ASPA: variants seen among roughly 807,000 people sequenced by gnomAD.
ASPA encodes aspartoacylase, also known as ACY-2.
ASPA carries 25 observed loss-of-function variants against 29.6 expected under a neutral mutation model. The observed-to-expected ratio is 0.85, with a 90% CI of 0.62 to 1.18. The LOEUF is 1.18. ASPA is among the 50% of genes most tolerant of loss of function. The probability of loss-of-function intolerance (pLI) is 0.00; values close to 1 mark genes in which losing one functional copy is unlikely to be tolerated. For synonymous variants in ASPA, 131 were observed against 130.3 expected, an observed-to-expected ratio of 1.01 and a Z score of -0.04; for missense variants, 333 against 385.7, an observed-to-expected ratio of 0.86 and a Z score of 1.14.
chr17:3,481,821 A>G (rs1448345477), intron 2 of ASPA, 23 bp downstream of exon 2: 10 of 1,555,490 alleles, frequency 6.4e-6, no homozygotes, highest in Non-Finnish European at 8.8e-6. Context: ...TTATTAATTT[A>G]TAAGTTAGCA....
chr17:3,481,488 A>G, intron 1 of ASPA, 115 bp from the exon 2 acceptor site: 1 of 959,864 alleles, frequency 1.0e-6, no homozygotes, highest in Non-Finnish European at 1.6e-6. Flanking sequence ...CTTACCACAC[A>G]GATTTTTCAT....
intron 3 of ASPA, among the ~76,000 whole-genome samples, chr17:3,487,477 G>C (rs1233077858): frequency 2.0e-5 from 3 of 152,178 alleles, no homozygotes; most frequent in African/African-American, 7.2e-5. Flanking sequence ...TTCTGGCTAA[G>C]AGTAGCATTG....
chr17:3,489,216 T>A lies in ASPA; in HGVS notation c.527-19T>A. On this transcript the variant is annotated intron_variant, in intron 3 of 5. Transcript: ENST00000263080. ...TTTCATACTTATATAAATGTGACTA[T>A]CTCTCCTTCTGTACCTAGGTATAGA... 1 of 1,407,198 alleles carries A rather than the reference T, an allele frequency of 7.1e-7. No homozygotes were observed. The highest frequency in any genetic ancestry group is 1.0e-6 in the Non-Finnish European group (1 of 994,546). The allele number at this position is 1,407,198 out of a possible 1,614,324, so 87.2% of individuals were successfully genotyped here.
chr17:3,503,342 T>C lies in ASPA; in HGVS notation c.*4254T>C, dbSNP rs1254930484. ...CATATTCTTTCTAAATTTTTCAGCA[T>C]TTTTTTCTATTTTTGTACTTTACCA... On this transcript the variant is annotated 3_prime_UTR_variant, in exon 6 of 6. Transcript: ENST00000263080. 1 of 152,188 alleles carries C rather than the reference T, an allele frequency of 6.6e-6. No homozygotes were observed. Among genetic ancestry groups the C allele is most frequent in the Non-Finnish European group, 1.5e-5 (1 of 68,028 alleles). The allele number at this position is 152,188 out of a possible 1,614,324, so 9.4% of individuals were successfully genotyped here.
intron 2 of ASPA, among the ~76,000 whole-genome samples, chr17:3,482,952 C>T (rs1336903766): frequency 8.2e-6 from 1 of 121,734 alleles, no homozygotes; most frequent in Non-Finnish European, 1.7e-5. Context: ...CCCCCCACCC[C>T]AATTCTTCAT....
intron 1 of ASPA, among the ~76,000 whole-genome samples, chr17:3,481,271 C>T (rs2073622776): frequency 6.6e-6 from 1 of 152,150 alleles, no homozygotes; most frequent in South Asian, 2.1e-4. Flanking sequence ...ACCATAACTA[C>T]TAAGAAACTG....
In ASPA at chr17:3,490,929, G is replaced by A. The variant is rs1322236640; in HGVS notation, c.634+1587G>A. 6.6e-6 allele frequency among the ~76,000 whole-genome samples: 1 copy of A among 152,086 alleles called. No individual in the cohort carries two copies. The highest frequency in any genetic ancestry group is 6.5e-5 in the Admixed American group (1 of 15,272). ...ACATTTCATTTAAGCAAAGGATTCG[G>A]CAAATCAAAAATTGTCAACCACGAT... On this transcript the variant is annotated intron_variant, in intron 4 of 5. Coordinates refer to ENST00000263080, the MANE Select transcript of ASPA (RefSeq NM_000049.4). The surrounding 1 kb of genome is among the most constrained non-coding windows in gnomAD (Gnocchi z 4.6).
intron 1 of ASPA, among the ~76,000 whole-genome samples, chr17:3,478,152 T>C (rs2073563638): frequency 6.6e-6 from 1 of 151,950 alleles, no homozygotes; most frequent in African/African-American, 2.4e-5. Context: ...GCCACTGCAC[T>C]CCAGCCTGGG....
chr17:3,476,284 A>T lies in ASPA; in HGVS notation c.125A>T (p.Gln42Leu). The T allele has an allele frequency of 1.9e-6, 3 of 1,614,180 alleles. No homozygotes were observed. Among genetic ancestry groups the T allele is most frequent in the South Asian group, 1.1e-5 (1 of 91,086 alleles). The change falls in exon 1 of 6, where the codon CAG becomes CTG. Residue 42 changes from glutamine to leucine, a missense_variant. Coordinates refer to ENST00000263080, the MANE Select transcript of ASPA (RefSeq NM_000049.4). ...KHWLENGAEIQRTGLEVKPFI... is the reference protein window; with the variant it reads ...KHWLENGAEILRTGLEVKPFI... The stretch of plus-strand genomic sequence containing the variant: ...TGGCTAGAGAATGGCGCTGAGATTC[A>T]GAGAACAGGGCTGGAGGTAAAACCA...
Position 3,495,799 on chromosome 17 carries a change from C to T in ASPA, c.744+1340C>T, listed in dbSNP as rs1184104589. 3.3e-5 allele frequency among the ~76,000 whole-genome samples: 5 copies of T among 152,134 alleles called. No homozygotes were observed. In the South Asian group the frequency reaches 6.2e-4, roughly 19 times the overall value. ...GGCCAGGATGGTCTCAATCTCCTGA[C>T]ATCATGATCCACCTGCCTCGGCCTC... On this transcript the variant is annotated intron_variant, in intron 5 of 5. Coordinates refer to ENST00000263080, the MANE Select transcript of ASPA (RefSeq NM_000049.4).
chr17:3,481,472 T>A (rs1597429531), intron 1 of ASPA, 131 bp from the exon 2 acceptor site: 1 of 818,126 alleles, frequency 1.2e-6, no homozygotes, highest in East Asian at 2.7e-5. Context: ...TTCAGGTAAG[T>A]TTTTACTTAC....
At chr17:3,492,876 G>A (rs558159557) in intron 4 of ASPA, among the ~76,000 whole-genome samples, 4 of 152,168 alleles carry the variant, frequency 2.6e-5, no homozygotes, top group Middle Eastern at 3.4e-3. Context: ...CAGTGTAGAC[G>A]GAAGAAACTT....
rs1481722224 is a variant in ASPA, at chr17:3,499,812, T to C, written c.*724T>C. 1.3e-5 allele frequency: 2 copies of C among 152,196 alleles called. No homozygotes were observed. The highest frequency in any genetic ancestry group is 2.9e-5 in the Non-Finnish European group (2 of 68,040). 9.4% of individuals were successfully genotyped at this position (152,196 alleles called of 1,614,324 possible). ...AATAATTAATAAGTCTACAGCAGAC[T>C]CTGTGTGTTCAAGTGAAAGAAAGGG... On this transcript the variant is annotated 3_prime_UTR_variant, in exon 6 of 6. Coordinates refer to ENST00000263080, the MANE Select transcript of ASPA (RefSeq NM_000049.4).
chr17:3,495,100 A>T (rs1301035487), intron 5 of ASPA, among the ~76,000 whole-genome samples: 1 of 152,148 alleles, frequency 6.6e-6, no homozygotes, highest in Non-Finnish European at 1.5e-5. Flanking sequence ...AGGAAAAAAA[A>T]AAGGCTCTTG....
chr17:3,495,545 T>C (rs892487748), intron 5 of ASPA, among the ~76,000 whole-genome samples: 2 of 150,456 alleles, frequency 1.3e-5, no homozygotes, highest in Admixed American at 6.6e-5. Flanking sequence ...CCTTAGGCAG[T>C]GTTTGTTTTT....
rs1464046136 is a variant in ASPA at position 3,502,000 on chromosome 17, A to G, written c.*2912A>G. On this transcript the variant is annotated 3_prime_UTR_variant, in exon 6 of 6. Coordinates refer to ENST00000263080, the MANE Select transcript of ASPA (RefSeq NM_000049.4). ...TGAGTTCTACTGTGAATAAAATGTT[A>G]TTAAACAGCATTTCATGCTACAGAG... 2 of 152,160 alleles carry G rather than the reference A, an allele frequency of 1.3e-5. No homozygotes were observed. Among genetic ancestry groups the G allele is most frequent in the Non-Finnish European group, 2.9e-5 (2 of 68,040 alleles). 9.4% of individuals were successfully genotyped at this position (152,160 alleles called of 1,614,324 possible).
chr17:3,489,459 T>G, intron 4 of ASPA, 117 bp downstream of exon 4: 1 of 821,234 alleles, frequency 1.2e-6, no homozygotes, highest in South Asian at 1.5e-5. Context: ...AAATTTTTAT[T>G]CACTTCAGCT....
intron 4 of ASPA, among the ~76,000 whole-genome samples, chr17:3,492,836 G>C (rs2073847609): frequency 6.6e-6 from 1 of 152,040 alleles, no homozygotes. Flanking sequence ...ACAAAGGCAG[G>C]AGCAAAACAA....
At position 3,498,940 on chromosome 17, in the gene ASPA, T is replaced by C; in HGVS notation, c.794T>C (p.Leu265Pro). The C allele has an allele frequency of 1.2e-6, 2 of 1,612,428 alleles. No homozygotes were observed. Among genetic ancestry groups the C allele is most frequent in the Non-Finnish European group, 1.7e-6 (2 of 1,178,958 alleles). ...CCTGGGGATCCCATGTTTTTAACTC[T>C]TGATGGGAAGACGATCCCACTGGGC... ...LHPGDPMFLTLDGKTIPLGGD... is the reference protein window; with the variant it reads ...LHPGDPMFLTPDGKTIPLGGD... The change falls in exon 6 of 6, where the codon CTT (leucine) becomes CCT (proline). Residue 265 changes from leucine (L) to proline (P), a missense_variant. Transcript: ENST00000263080.
Sources: gnomAD v4.1 joint callset for allele counts (sites outside exome capture counted in the v4.1 genomes callset) on GRCh38, gnomAD v4.1.1 for gene constraint, Gnocchi (gnomAD v3.1) non-coding constraint, MANE v1.5 for transcripts, NCBI Gene and HGNC (gene_info 2026-07-23, HGNC 2026-07-21) for gene names.